Variants in WDFY3 observed in about 807,000 individuals in gnomAD.
WDFY3 encodes the protein WD repeat and FYVE domain containing 3.
In WDFY3, 66 loss-of-function variants were observed where a neutral mutation model predicts 409.6. That is an observed-to-expected ratio of 0.16 (90% CI 0.13 to 0.20). The LOEUF is 0.20. Ranked by LOEUF, WDFY3 falls within the 10% of genes least tolerant of loss-of-function variation. The pLI is 1.00. For missense variants in WDFY3, 3,031 were observed against 4,298.1 expected (o/e 0.71, Z 8.24); for synonymous variants, 1,521 against 1,537.1 (o/e 0.99, Z 0.25).
chr4:84,946,343 C>A (rs1009838824), intron 1 of WDFY3, among the ~76,000 whole-genome samples: 2 of 152,128 alleles, frequency 1.3e-5, no homozygotes, highest in African/African-American at 2.4e-5. Flanking sequence ...AATACATTTT[C>A]TCTTTATTTC....
chr4:84,795,069 T>C (rs1749152160), intron 19 of WDFY3, 90 bp from the exon 20 acceptor site: 2 of 867,434 alleles, frequency 2.3e-6, no homozygotes, highest in South Asian at 5.1e-5. Context: ...ACTGCCAGTA[T>C]TTAATGGTGA....
chr4:84,811,807 T>C (rs1246130940), intron 13 of WDFY3, among the ~76,000 whole-genome samples: 1 of 152,160 alleles, frequency 6.6e-6, no homozygotes, highest in African/African-American at 2.4e-5. Context: ...TTATTTAAAG[T>C]GTTTGGCACC....
At chr4:84,704,041 G>C (rs1731525369) in intron 55 of WDFY3, among the ~76,000 whole-genome samples, 1 of 152,156 alleles carries the variant, frequency 6.6e-6, no homozygotes, top group Admixed American at 6.5e-5. Context: ...GAATGAGCTG[G>C]AATATATCAT....
Position 84,949,454 on chromosome 4 carries a change from T to A in WDFY3, c.-226+16755A>T, listed in dbSNP as rs1773324037. Among the ~76,000 whole-genome samples, 9 of 152,288 alleles carry A rather than the reference T, an allele frequency of 5.9e-5. No homozygotes were observed. The South Asian group carries it at 1.9e-3, about 32-fold the overall frequency. ...TACATTTTGTAAATATGTTCTAGAT[T>A]ATAGCATATTGAAAAGGCCATCTGA... is the stretch of plus-strand genomic sequence containing the variant. On this transcript the variant is annotated intron_variant, in intron 1 of 67. Transcript: ENST00000295888.
chr4:84,947,527 A>AATG (rs1208181526), intron 1 of WDFY3, among the ~76,000 whole-genome samples: 2 of 146,306 alleles, frequency 1.4e-5, no homozygotes, highest in Non-Finnish European at 3.0e-5. Flanking sequence ...TAATAATAAT[A>AATG]ATAATAATAA....
At chr4:84,869,832 C>T (rs1310205315) in intron 3 of WDFY3, among the ~76,000 whole-genome samples, 1 of 152,128 alleles carries the variant, frequency 6.6e-6, no homozygotes, top group Non-Finnish European at 1.5e-5. Flanking sequence ...GTAAAAAACA[C>T]TACACAACAC....
At chr4:84,813,799 G>A (rs1752871980) in intron 13 of WDFY3, among the ~76,000 whole-genome samples, 1 of 152,086 alleles carries the variant, frequency 6.6e-6, no homozygotes, top group African/African-American at 2.4e-5. Context: ...GGCAACCTTA[G>A]CATCTTTTGA....
At chr4:84,873,911 T>C (rs1485209979) in intron 3 of WDFY3, among the ~76,000 whole-genome samples, 1 of 151,874 alleles carries the variant, frequency 6.6e-6, no homozygotes, top group African/African-American at 2.4e-5. Flanking sequence ...GCCTCCCTAG[T>C]ACAAGGCTAC....
rs150136886 is a variant in WDFY3 at position 84,942,862 on chromosome 4, C to T, written c.-225-10499G>A. On this transcript the variant is annotated intron_variant, in intron 1 of 67. Coordinates refer to ENST00000295888, the MANE Select transcript of WDFY3 (RefSeq NM_014991.6). ...TGCAAGTATATTTACCAGTCTGTGG[C>T]TAACCTTTTTATTTTTTTTTAAATG... Among the ~76,000 whole-genome samples, 67 of 152,200 alleles carry T rather than the reference C, an allele frequency of 4.4e-4. 1 individual carries two copies. The East Asian group carries it at 0.011, about 25-fold the overall frequency.
chr4:84,761,084 A>G lies in WDFY3; in HGVS notation c.5189-3923T>C, dbSNP rs547685785. Among the ~76,000 whole-genome samples the G allele has an allele frequency of 1.3e-4, 20 of 152,222 alleles. No homozygotes were observed. The South Asian group carries it at 3.9e-3, about 30-fold the overall frequency. Reference sequence around the variant, plus strand: ...ATGTACACAGTAGTCATTCAGGAGCAGGTTGTTCAGTTTCCATGTAGTTGA... The same window carrying G: ...ATGTACACAGTAGTCATTCAGGAGCGGGTTGTTCAGTTTCCATGTAGTTGA... On this transcript the variant is annotated intron_variant, in intron 32 of 67. Coordinates refer to ENST00000295888, the MANE Select transcript of WDFY3 (RefSeq NM_014991.6).
intron 42 of WDFY3, 126 bp from the exon 43 acceptor site, chr4:84,735,246 A>G: frequency 2.5e-6 from 2 of 813,434 alleles, no homozygotes; most frequent in Non-Finnish European, 3.8e-6. Flanking sequence ...ACAGAAAACT[A>G]AAACAAAAAA....
chr4:84,703,616 G>A (rs1332300981), intron 55 of WDFY3, among the ~76,000 whole-genome samples: 2 of 152,160 alleles, frequency 1.3e-5, no homozygotes, highest in Non-Finnish European at 2.9e-5. Flanking sequence ...TAGAGCCCTT[G>A]CACAAGCTCT....
At position 84,766,244 on chromosome 4, in the gene WDFY3, T is replaced by G. The variant is rs760420245; in HGVS notation, c.4970+8A>C. ...TGGTATAATCACTTTTAAAAAAGATTTACTTACTGCAAATTAATGCTTGTC... is the reference window on the plus strand; with the variant it reads ...TGGTATAATCACTTTTAAAAAAGATGTACTTACTGCAAATTAATGCTTGTC... On this transcript the variant is annotated splice_region_variant and intron_variant, in intron 31 of 67. Coordinates refer to ENST00000295888, the MANE Select transcript of WDFY3 (RefSeq NM_014991.6). The G allele has an allele frequency of 7.0e-6, 11 of 1,571,824 alleles. No individual in the cohort carries two copies. Among genetic ancestry groups the G allele is most frequent in the African/African-American group, 1.4e-5 (1 of 72,598 alleles).
rs550395526 is a variant in WDFY3 at position 84,762,608 on chromosome 4, TATA to T, written c.5188+3199_5188+3201del. 6.7e-3 allele frequency among the ~76,000 whole-genome samples: 1,015 copies of T among 151,884 alleles called. 10 individuals carry two copies. Among genetic ancestry groups the T allele is most frequent in the African/African-American group, 0.023 (971 of 41,422 alleles). ...TGCACATGTACCCTAAAACTTGAAG[TATA>T]ATAATAAAAAAAAAAGTCACAATGT... On this transcript the variant is annotated intron_variant, in intron 32 of 67. Transcript: ENST00000295888.
chr4:84,964,469 T>C (rs1355611683), intron 1 of WDFY3, among the ~76,000 whole-genome samples: 1 of 152,146 alleles, frequency 6.6e-6, no homozygotes, highest in Non-Finnish European at 1.5e-5. Context: ...ACCCTGTCTC[T>C]AAAAAAAGAA....
chr4:84,929,604 G>C (rs967059593), intron 2 of WDFY3, among the ~76,000 whole-genome samples: 1 of 151,954 alleles, frequency 6.6e-6, no homozygotes, highest in African/African-American at 2.4e-5. Context: ...AGTATGACTG[G>C]GGTCCTTAGA....
At chr4:84,803,619 G>GAT in intron 15 of WDFY3, 152 bp from the exon 16 acceptor site, 2 of 813,158 alleles carry the variant, frequency 2.5e-6, no homozygotes, top group Non-Finnish European at 3.8e-6. Context: ...AACTCGAGTT[G>GAT]ATATGTGTGT....
At chr4:84,866,874 T>C (rs112134001) in intron 3 of WDFY3, among the ~76,000 whole-genome samples, 20 of 152,352 alleles carry the variant, frequency 1.3e-4, no homozygotes, top group African/African-American at 4.6e-4. Flanking sequence ...CTGGTAACCA[T>C]GGCTTTGTCT....
intron 61 of WDFY3, among the ~76,000 whole-genome samples, chr4:84,689,704 C>T (rs145386023): frequency 6.6e-6 from 1 of 152,242 alleles, no homozygotes; most frequent in East Asian, 1.9e-4. Context: ...AGACTTGTGT[C>T]TTGACCACTC....
Sources: gnomAD v4.1 joint callset for allele counts (sites outside exome capture counted in the v4.1 genomes callset) on GRCh38, gnomAD v4.1.1 for gene constraint, MANE v1.5 for transcripts, NCBI Gene and HGNC (gene_info 2026-07-23, HGNC 2026-07-21) for gene names.